ERO1B: variants seen among roughly 807,000 people sequenced by gnomAD.
The protein encoded by ERO1B is ERO1-like protein beta.
A neutral mutation model predicts 75.3 loss-of-function variants in ERO1B; 49 were observed. The ratio of observed to expected loss-of-function variants is 0.65; its 90% CI spans 0.52 to 0.83. ERO1B has a LOEUF of 0.83. Among genes scored for constraint, ERO1B ranks in the 40% least tolerant of loss-of-function variants. ERO1B has a pLI of 0.00. For missense variants in ERO1B, 512 were observed against 560.1 expected (o/e 0.91, Z 0.87); for synonymous variants, 191 against 192.9 (o/e 0.99, Z 0.08).
At chr1:236,248,115 C>T (rs562610224) in intron 5 of ERO1B, among the ~76,000 whole-genome samples, 57 of 152,092 alleles carry the variant, frequency 3.7e-4, no homozygotes, top group African/African-American at 1.3e-3. Context: ...TTATCCATTA[C>T]GCTACTGGAT....
chr1:236,271,341 G>T (rs966420724), intron 1 of ERO1B, among the ~76,000 whole-genome samples: 3 of 152,114 alleles, frequency 2.0e-5, no homozygotes, highest in Non-Finnish European at 2.9e-5. Flanking sequence ...TCTCTCCCTA[G>T]GAGTATAAAT....
intron 6 of ERO1B, among the ~76,000 whole-genome samples, chr1:236,241,551 A>C (rs1664702478): frequency 7.4e-6 from 1 of 134,284 alleles, no homozygotes; most frequent in African/African-American, 2.7e-5. Context: ...TCAAAACAAA[A>C]CAAAACAAAT....
Position 236,250,733 on chromosome 1 carries a change from T to TAC in ERO1B, c.349-768_349-767dup, listed in dbSNP as rs566991703. ...ATATATATACATACGTACATATATA[T>TAC]ACACACACACACATACACACACACG... On this transcript the variant is annotated intron_variant, in intron 4 of 15. Transcript: ENST00000354619. Among the ~76,000 whole-genome samples, 122 of 150,354 alleles carry TAC rather than the reference T, an allele frequency of 8.1e-4. No homozygotes were observed. In the South Asian group the frequency reaches 8.8e-3, roughly 11 times the overall value.
chr1:236,266,318 T>A (rs1280164740), intron 2 of ERO1B, among the ~76,000 whole-genome samples: 1 of 152,210 alleles, frequency 6.6e-6, no homozygotes, highest in Non-Finnish European at 1.5e-5. Flanking sequence ...ATTAACTTCT[T>A]TTTGGTTGGG....
At chr1:236,239,795 A>ATATATATATGTTTG (rs1553371228) in intron 6 of ERO1B, among the ~76,000 whole-genome samples, 1 of 87,872 alleles carries the variant, frequency 1.1e-5, no homozygotes, top group Non-Finnish European at 2.6e-5. Context: ...TCAAGTATAT[A>ATATATATATGTTTG]TATATATATA....
chr1:236,263,399 C>G (rs532879117), intron 2 of ERO1B, among the ~76,000 whole-genome samples: 1 of 152,136 alleles, frequency 6.6e-6, no homozygotes, highest in South Asian at 2.1e-4. Flanking sequence ...CAAGCACACT[C>G]CACCACGCCT....
At chr1:236,232,385 C>T (rs1664430257) in intron 9 of ERO1B, among the ~76,000 whole-genome samples, 1 of 152,134 alleles carries the variant, frequency 6.6e-6, no homozygotes, top group African/African-American at 2.4e-5. Context: ...TATCTTTTAA[C>T]CAACATTCAT....
At chr1:236,252,508 G>A (rs1024679298) in intron 3 of ERO1B, among the ~76,000 whole-genome samples, 1 of 152,220 alleles carries the variant, frequency 6.6e-6, no homozygotes, top group Non-Finnish European at 1.5e-5. Context: ...CAAAGTGTAG[G>A]CAATTTTGGA....
intron 6 of ERO1B, 61 bp from the exon 7 acceptor site, chr1:236,236,459 G>A: frequency 3.2e-6 from 5 of 1,579,882 alleles, no homozygotes; most frequent in Non-Finnish European, 4.3e-6. Flanking sequence ...AGATTTAACA[G>A]TACAAAGCAA....
At chr1:236,259,912 C>A (rs1665255160) in intron 2 of ERO1B, among the ~76,000 whole-genome samples, 1 of 151,964 alleles carries the variant, frequency 6.6e-6, no homozygotes, top group African/African-American at 2.4e-5. Context: ...ATATTCCATA[C>A]AACAGTAACA....
intron 2 of ERO1B, among the ~76,000 whole-genome samples, chr1:236,264,706 T>TAA (rs1665378727): frequency 6.6e-6 from 1 of 152,062 alleles, no homozygotes; most frequent in East Asian, 1.9e-4. Context: ...TAGCCAGGCA[T>TAA]GGTGGCACAC....
At chr1:236,220,700 G>A (rs1417741639) in intron 15 of ERO1B, 132 bp downstream of exon 15, 1 of 886,312 alleles carries the variant, frequency 1.1e-6, no homozygotes, top group African/African-American at 1.7e-5. Context: ...GCCTCTCTAA[G>A]TTAGTACAGA....
At chr1:236,277,434 T>C (rs1312674982) in intron 1 of ERO1B, among the ~76,000 whole-genome samples, 1 of 149,112 alleles carries the variant, frequency 6.7e-6, no homozygotes, top group Non-Finnish European at 1.5e-5. Flanking sequence ...AATGGACTAA[T>C]ACATGATGAC....
At chr1:236,233,086 G>C (rs1221085294) in intron 8 of ERO1B, among the ~76,000 whole-genome samples, 1 of 151,834 alleles carries the variant, frequency 6.6e-6, no homozygotes, top group Non-Finnish European at 1.5e-5. Context: ...AAGGTGGGTG[G>C]ATCACCTGAG....
chr1:236,275,824 GA>G (rs1479745741), intron 1 of ERO1B, among the ~76,000 whole-genome samples: 5 of 152,294 alleles, frequency 3.3e-5, no homozygotes, highest in African/African-American at 1.2e-4. Context: ...TCAGCAATCA[GA>G]AATAAAGACC....
intron 6 of ERO1B, among the ~76,000 whole-genome samples, chr1:236,238,328 A>G (rs73112991): frequency 0.068 from 10,385 of 152,210 alleles, 742 homozygotes; most frequent in East Asian, 0.39. Context: ...CTCAAAAACA[A>G]TAACTTTTAA....
intron 2 of ERO1B, among the ~76,000 whole-genome samples, chr1:236,256,324 C>T (rs1665159111): frequency 6.6e-6 from 1 of 152,060 alleles, no homozygotes; most frequent in African/African-American, 2.4e-5. Context: ...GAACTCCAGA[C>T]CAAAAGGTTA....
chr1:236,243,258 G>A (rs534381985), intron 6 of ERO1B, among the ~76,000 whole-genome samples, 164 bp downstream of exon 6: 27 of 152,242 alleles, frequency 1.8e-4, no homozygotes, highest in South Asian at 1.7e-3. Flanking sequence ...ACTTAACATA[G>A]GGCCTGGAAC....
rs201910713 is a variant in ERO1B at position 236,226,271 on chromosome 1, T to C, written c.1050A>G (p.Thr350=). ...AATCACGGATAGTCAATTCTTACTT[T>C]GTATCTTGAAAGATATTCAGTAGAA... The part of the protein sequence containing the change: ...KTLLLNIFQD[T]KSFPMHFDEK... Residue 350 remains threonine, a splice_region_variant and synonymous_variant, in exon 12 of 16, where the codon ACA becomes ACG. Transcript: ENST00000354619. 8 of 1,613,114 alleles carry C rather than the reference T, an allele frequency of 5.0e-6. No individual in the cohort carries two copies. Among genetic ancestry groups the C allele is most frequent in the Middle Eastern group, 1.7e-4 (1 of 6,054 alleles).
Sources: allele counts gnomAD v4.1 joint callset (sites outside exome capture counted in the v4.1 genomes callset), GRCh38; gene constraint gnomAD v4.1.1; transcripts MANE v1.5; gene names NCBI Gene and HGNC (gene_info 2026-07-23, HGNC 2026-07-21).